PPP1R9A: variants seen among roughly 807,000 people sequenced by gnomAD.
PPP1R9A encodes neurabin-1.
Under a neutral mutation model 141.9 loss-of-function variants are expected in PPP1R9A, and 59 were observed. The ratio of observed to expected loss-of-function variants is 0.42; its 90% CI spans 0.34 to 0.52. The LOEUF (loss-of-function observed/expected upper bound fraction) is 0.52. Ranked by LOEUF, PPP1R9A falls within the 20% of genes least tolerant of loss-of-function variation. The pLI, the probability that PPP1R9A is intolerant of heterozygous loss-of-function variation, is 0.10. For synonymous variants in PPP1R9A, 500 were observed against 569.7 expected (o/e 0.88, Z 1.74); for missense variants, 1,444 against 1,611.9 (o/e 0.90, Z 1.78).
intron 2 of PPP1R9A, among the ~76,000 whole-genome samples, chr7:94,943,265 G>T (rs931303062): frequency 2.0e-5 from 3 of 152,140 alleles, no homozygotes; most frequent in Non-Finnish European, 4.4e-5. Context: ...CCCCAGAGGG[G>T]TATAGCTTTC....
intron 12 of PPP1R9A, among the ~76,000 whole-genome samples, chr7:95,263,841 C>A (rs997757337): frequency 8.5e-5 from 13 of 152,312 alleles, no homozygotes; most frequent in African/African-American, 2.9e-4. Context: ...ACCCACTTAA[C>A]ATCTTGCTAA....
intron 2 of PPP1R9A, among the ~76,000 whole-genome samples, chr7:94,967,407 T>TA (rs1402071485): frequency 1.3e-5 from 2 of 152,182 alleles, no homozygotes; most frequent in African/African-American, 4.8e-5. Flanking sequence ...ATTGTGATGT[T>TA]AGAGTATCAA....
chr7:94,965,804 T>C (rs1563057042), intron 2 of PPP1R9A, among the ~76,000 whole-genome samples: 1 of 145,818 alleles, frequency 6.9e-6, no homozygotes, highest in South Asian at 2.1e-4. Context: ...CTATATGGGC[T>C]TTTTTTTTTG....
chr7:95,046,203 C>T (rs1219220867), intron 2 of PPP1R9A, among the ~76,000 whole-genome samples: 5 of 151,876 alleles, frequency 3.3e-5, no homozygotes, highest in Non-Finnish European at 7.4e-5. Context: ...CTCAGCCTCC[C>T]GAGTAGCTGG....
Position 95,274,134 on chromosome 7 carries a change from G to C in PPP1R9A, c.3262G>C (p.Glu1088Gln). The change falls in exon 16 of 20, where the codon GAA becomes CAA. Residue 1088 changes from glutamate (E) to glutamine (Q), a missense_variant. Coordinates refer to ENST00000433360, the MANE Select transcript of PPP1R9A (RefSeq NM_001166160.2). ...CAAGGGAAAGAAGTGGAAAGAAAAA[G>C]AAAAAGAAGCCAGTAGGTTTTCTGC... ...SSKGKKWKEK[E>Q]KEASRFSAGS... 2 of 1,582,088 alleles carry C rather than the reference G, an allele frequency of 1.3e-6. No individual in the cohort carries two copies. The highest frequency in any genetic ancestry group is 1.7e-6 in the Non-Finnish European group (2 of 1,170,222).
chr7:95,102,629 A>T lies in PPP1R9A; in HGVS notation c.1396-8630A>T, dbSNP rs367686986. On this transcript the variant is annotated intron_variant, in intron 2 of 19. Coordinates refer to ENST00000433360, the MANE Select transcript of PPP1R9A (RefSeq NM_001166160.2). ...ATTCTTTCCTACTGCAGTCCTAGCT[A>T]GGTTGGCTTTTTCTTTTCTAAGCTA... 2.6e-5 allele frequency among the ~76,000 whole-genome samples: 4 copies of T among 152,152 alleles called. No individual in the cohort carries two copies. In the East Asian group the frequency reaches 5.8e-4, roughly 22 times the overall value.
chr7:95,146,100 A>G (rs1827559678), intron 4 of PPP1R9A, among the ~76,000 whole-genome samples: 1 of 152,094 alleles, frequency 6.6e-6, no homozygotes. Context: ...GGTTGGACAA[A>G]TTTACATTCC....
At chr7:94,937,142 C>A (rs1170789806) in intron 2 of PPP1R9A, among the ~76,000 whole-genome samples, 3 of 151,990 alleles carry the variant, frequency 2.0e-5, no homozygotes, top group African/African-American at 7.3e-5. Context: ...ATGAATAATG[C>A]TGCATCTTGA....
intron 2 of PPP1R9A, among the ~76,000 whole-genome samples, chr7:95,065,625 A>G (rs1812834253): frequency 6.6e-6 from 1 of 152,168 alleles, no homozygotes; most frequent in Non-Finnish European, 1.5e-5. Flanking sequence ...GCTGACAATA[A>G]ACTACTGTTA....
chr7:95,250,814 C>A (rs1563500561), intron 10 of PPP1R9A, among the ~76,000 whole-genome samples: 1 of 152,110 alleles, frequency 6.6e-6, no homozygotes, highest in South Asian at 2.1e-4. Context: ...ACCATTACCA[C>A]ATTCTGCTTT....
intron 2 of PPP1R9A, among the ~76,000 whole-genome samples, chr7:94,965,605 G>T (rs1798116181): frequency 6.6e-6 from 1 of 152,110 alleles, no homozygotes; most frequent in Admixed American, 6.5e-5. Flanking sequence ...GTTTTTGTCA[G>T]GTTTGTCAAG....
chr7:95,273,772 G>T, intron 14 of PPP1R9A, 127 bp from the exon 15 acceptor site: 1 of 887,456 alleles, frequency 1.1e-6, no homozygotes, highest in Non-Finnish European at 1.7e-6. Flanking sequence ...GTATAAGAAG[G>T]CATTGATTAT....
chr7:95,041,281 C>T (rs1445697956), intron 2 of PPP1R9A, among the ~76,000 whole-genome samples: 2 of 152,082 alleles, frequency 1.3e-5, no homozygotes, highest in Non-Finnish European at 2.9e-5. Flanking sequence ...TGATCCCCTG[C>T]GTCTGTTTGT....
chr7:95,046,415 T>G (rs1810022439), intron 2 of PPP1R9A, among the ~76,000 whole-genome samples: 1 of 152,176 alleles, frequency 6.6e-6, no homozygotes. Flanking sequence ...GTATTTCTAT[T>G]AAATGTTTCA....
chr7:95,068,271 AC>A (rs1411729273), intron 2 of PPP1R9A, among the ~76,000 whole-genome samples: 20 of 151,976 alleles, frequency 1.3e-4, no homozygotes, highest in Admixed American at 1.0e-3. Flanking sequence ...GGAGTTTGAG[AC>A]CAGCCTGGCC....
chr7:94,962,555 C>T (rs910443256), intron 2 of PPP1R9A, among the ~76,000 whole-genome samples: 7 of 151,948 alleles, frequency 4.6e-5, no homozygotes, highest in African/African-American at 1.7e-4. Context: ...TAAAGGAATG[C>T]AGAAGTTATT....
chr7:95,145,721 A>G (rs1030524105), intron 4 of PPP1R9A, among the ~76,000 whole-genome samples: 2 of 151,746 alleles, frequency 1.3e-5, no homozygotes, highest in Admixed American at 6.6e-5. Context: ...TCATTGTTCA[A>G]CCCCCACTTA....
chr7:94,939,540 A>C (rs1795107572), intron 2 of PPP1R9A, among the ~76,000 whole-genome samples: 1 of 152,046 alleles, frequency 6.6e-6, no homozygotes, highest in Non-Finnish European at 1.5e-5. Context: ...CAAGGTTTTG[A>C]TAATAATAAT....
chr7:94,972,128 G>T (rs1200973238), intron 2 of PPP1R9A, among the ~76,000 whole-genome samples: 1 of 152,188 alleles, frequency 6.6e-6, no homozygotes, highest in Non-Finnish European at 1.5e-5. Context: ...GAATAATAAT[G>T]CCTAATTTTA....
Sources: gnomAD v4.1 joint callset for allele counts (sites outside exome capture counted in the v4.1 genomes callset) on GRCh38, gnomAD v4.1.1 for gene constraint, MANE v1.5 for transcripts, NCBI Gene and HGNC (gene_info 2026-07-23, HGNC 2026-07-21) for gene names.